TET1: variants seen among roughly 807,000 people sequenced by gnomAD.
The protein encoded by TET1 is methylcytosine dioxygenase TET1.
TET1 carries 13 observed loss-of-function variants against 148.7 expected under a neutral mutation model. That is an observed-to-expected ratio of 0.09 (90% CI 0.06 to 0.14). The LOEUF is 0.14. Ranked by LOEUF, TET1 falls within the 10% of genes least tolerant of loss-of-function variation. TET1 has a pLI of 1.00. For synonymous variants in TET1, 907 were observed against 937.2 expected, an observed-to-expected ratio of 0.97 and a Z score of 0.59; for missense variants, 2,182 against 2,553.8, an observed-to-expected ratio of 0.85 and a Z score of 3.14.
intron 3 of TET1, among the ~76,000 whole-genome samples, chr10:68,634,028 G>A (rs1331733328): frequency 1.3e-5 from 2 of 152,030 alleles, no homozygotes; most frequent in Admixed American, 1.3e-4. Context: ...AGGACTTCAG[G>A]CACGCACCAC....
chr10:68,693,761 A>G lies in TET1; in HGVS notation c.*1947A>G, dbSNP rs1330002979. ...CTTCAGCTGCTTCAACAAGATATTT[A>G]CTAGTATTAGACTATCAGGAATACA... is the stretch of plus-strand genomic sequence containing the variant. On this transcript the variant is annotated 3_prime_UTR_variant, in exon 12 of 12. Coordinates refer to ENST00000373644, the MANE Select transcript of TET1 (RefSeq NM_030625.3). 21 of 231,570 alleles carry G rather than the reference A, an allele frequency of 9.1e-5. No homozygotes were observed. The Admixed American group carries it at 1.2e-3, about 13-fold the overall frequency. The allele number at this position is 231,570 out of a possible 1,614,324, so 14.3% of individuals were successfully genotyped here. A position where few individuals can be genotyped will look rare whatever the true frequency, so the allele number is the denominator to read the frequency against.
chr10:68,612,371 T>C (rs951526369), intron 3 of TET1, among the ~76,000 whole-genome samples: 2 of 152,024 alleles, frequency 1.3e-5, no homozygotes, highest in Admixed American at 6.6e-5. Flanking sequence ...ATTACCAGCA[T>C]GAGCCACCGG....
At position 68,686,704 on chromosome 10, in the gene TET1, TTAGG is replaced by T; in HGVS notation, c.5403_5404+2del. ...CAGTAAGCCTTCGTCACTGCCAACC[TTAGG>T]TGAGCCCTATGGAACCTGGTAATCT... On this transcript the variant is annotated splice_donor_variant and coding_sequence_variant, in exon 11 of 12. Coordinates refer to ENST00000373644, the MANE Select transcript of TET1 (RefSeq NM_030625.3). LOFTEE classifies it high-confidence loss of function. The T allele has an allele frequency of 6.2e-7, 1 of 1,611,130 alleles. No homozygotes were observed. The highest frequency in any genetic ancestry group is 8.5e-7 in the Non-Finnish European group (1 of 1,178,288).
intron 2 of TET1, among the ~76,000 whole-genome samples, chr10:68,592,487 A>G (rs1190101262): frequency 2.0e-5 from 3 of 152,226 alleles, no homozygotes; most frequent in African/African-American, 7.2e-5. Flanking sequence ...AATTGAAAGA[A>G]CAACAAAAAT....
intron 1 of TET1, among the ~76,000 whole-genome samples, chr10:68,565,664 ACATTCTCTTG>A (rs1295704734): frequency 6.6e-6 from 1 of 152,092 alleles, no homozygotes; most frequent in Non-Finnish European, 1.5e-5. Context: ...GGAGTGGACT[ACATTCTCTTG>A]CCCCTGCCTC....
chr10:68,643,676 C>T (rs2054794889), intron 3 of TET1, among the ~76,000 whole-genome samples: 1 of 151,690 alleles, frequency 6.6e-6, no homozygotes. Flanking sequence ...CAAAAATTAG[C>T]TGAGTGTGGT....
chr10:68,625,922 A>G (rs755634257), intron 3 of TET1, among the ~76,000 whole-genome samples: 1 of 151,814 alleles, frequency 6.6e-6, no homozygotes, highest in South Asian at 2.1e-4. Context: ...CCCAGTGTCT[A>G]TAAAATACAA....
chr10:68,651,194 A>G (rs2054926732), intron 4 of TET1, among the ~76,000 whole-genome samples: 1 of 152,178 alleles, frequency 6.6e-6, no homozygotes, highest in South Asian at 2.1e-4. Flanking sequence ...ATTGTCTGCA[A>G]TGAAATTGCT....
chr10:68,566,825 T>TC (rs1564945052), intron 1 of TET1, among the ~76,000 whole-genome samples: 3 of 106,192 alleles, frequency 2.8e-5, no homozygotes, highest in East Asian at 2.7e-4. Flanking sequence ...CTCTCTCTCT[T>TC]TTTTTTTTTT....
chr10:68,664,922 A>C (rs961344281), intron 6 of TET1, among the ~76,000 whole-genome samples: 1 of 151,782 alleles, frequency 6.6e-6, no homozygotes, highest in Non-Finnish European at 1.5e-5. Flanking sequence ...CTACAGGTAC[A>C]TGCCACTATG....
At chr10:68,584,447 G>A (rs1468386728) in intron 2 of TET1, among the ~76,000 whole-genome samples, 1 of 150,840 alleles carries the variant, frequency 6.6e-6, no homozygotes, top group Non-Finnish European at 1.5e-5. Context: ...AGTGGTTCAG[G>A]CCTGTAATCC....
intron 10 of TET1, among the ~76,000 whole-genome samples, chr10:68,686,080 G>A (rs1589135222): frequency 6.6e-6 from 1 of 152,098 alleles, no homozygotes; most frequent in Admixed American, 6.6e-5. Flanking sequence ...TAACAAGAAT[G>A]TTTAGTATCA....
At chr10:68,648,387 A>T (rs1026503218) in intron 4 of TET1, among the ~76,000 whole-genome samples, 1 of 152,248 alleles carries the variant, frequency 6.6e-6, no homozygotes, top group Non-Finnish European at 1.5e-5. Context: ...CTGTAAAAAA[A>T]TAGGGAAATT....
intron 3 of TET1, among the ~76,000 whole-genome samples, chr10:68,636,635 C>T (rs566197935): frequency 6.6e-6 from 1 of 152,270 alleles, no homozygotes; most frequent in South Asian, 2.1e-4. Flanking sequence ...GATCCTCTTA[C>T]TGCACTACAG....
At chr10:68,690,255 A>G (rs1403533761) in intron 11 of TET1, among the ~76,000 whole-genome samples, 1 of 152,208 alleles carries the variant, frequency 6.6e-6, no homozygotes, top group East Asian at 1.9e-4. Flanking sequence ...ATGAACAGCC[A>G]TCCTTTTGGC....
chr10:68,674,843 C>T, intron 8 of TET1: 1 of 441,016 alleles, frequency 2.3e-6, no homozygotes, highest in Non-Finnish European at 4.3e-6. Flanking sequence ...CCGAGAGGTG[C>T]AGACAAATTA....
intron 11 of TET1, among the ~76,000 whole-genome samples, chr10:68,687,536 A>T (rs1416812606): frequency 6.6e-6 from 1 of 152,072 alleles, no homozygotes. Flanking sequence ...CACTTTCAAC[A>T]GTGGTATTGT....
Position 68,644,917 on chromosome 10 carries a change from G to A in TET1, c.2188G>A (p.Val730Ile), listed in dbSNP as rs760424193. The part of the protein sequence containing the change: ...DHVKGDFSAN[V>I]PEAEKSKNSE... ...CGTGAAAGGAGATTTTAGTGCTAAT[G>A]TCCCAGAAGCTGAAAAATCGAAAAA... Residue 730 changes from valine to isoleucine, a missense_variant, in exon 4 of 12, where the codon GTC becomes ATC. By Grantham distance (29) the Val-to-Ile change is conservative (BLOSUM62 3). This residue lies in a region of TET1 where 226 missense variants were observed against 307.4 expected (regional missense o/e 0.74). Transcript: ENST00000373644. 5 of 1,611,416 alleles carry A rather than the reference G, an allele frequency of 3.1e-6. No homozygotes were observed. In the Admixed American group the frequency reaches 5.0e-5, roughly 16 times the overall value.
chr10:68,648,936 A>G (rs1328188644), intron 4 of TET1, among the ~76,000 whole-genome samples: 2 of 152,200 alleles, frequency 1.3e-5, no homozygotes, highest in African/African-American at 2.4e-5. Context: ...ACAAACTGCA[A>G]TGTGCCAGTT....
Sources: gnomAD v4.1 joint callset for allele counts (sites outside exome capture counted in the v4.1 genomes callset) on GRCh38, gnomAD v4.1.1 for gene constraint, gnomAD v4.1.1 regional missense constraint, MANE v1.5 for transcripts, NCBI Gene and HGNC (gene_info 2026-07-23, HGNC 2026-07-21) for gene names.